Variants in ST7 observed in about 807,000 individuals in gnomAD.
ST7 encodes the protein suppressor of tumorigenicity 7 protein.
ST7 carries 28 observed loss-of-function variants against 78.7 expected under a neutral mutation model. The ratio of observed to expected loss-of-function variants is 0.36; its 90% CI spans 0.26 to 0.49. The LOEUF is 0.49. Ranked by LOEUF, ST7 falls within the 20% of genes least tolerant of loss-of-function variation. The pLI is 0.99. For missense variants in ST7, 418 were observed against 696.0 expected, an observed-to-expected ratio of 0.60 and a Z score of 4.49; for synonymous variants, 247 against 249.6, an observed-to-expected ratio of 0.99 and a Z score of 0.10.
chr7:117,050,214 C>CAAAAAAAA (rs201920808), intron 1 of ST7, among the ~76,000 whole-genome samples: 1 of 111,912 alleles, frequency 8.9e-6, no homozygotes. Flanking sequence ...GACTCCGTCT[C>CAAAAAAAA]AAAAAAAAAA....
intron 12 of ST7, among the ~76,000 whole-genome samples, chr7:117,196,789 C>G (rs1403376331): frequency 2.0e-5 from 3 of 152,000 alleles, no homozygotes; most frequent in African/African-American, 7.2e-5. Context: ...AGAAGCATTT[C>G]AGTTTGACGT....
At chr7:117,083,102 C>T (rs1799905502) in intron 1 of ST7, among the ~76,000 whole-genome samples, 1 of 151,978 alleles carries the variant, frequency 6.6e-6, no homozygotes, top group Non-Finnish European at 1.5e-5. Context: ...TCTTGTTGCT[C>T]AGGCTGGAGT....
intron 1 of ST7, chr7:117,023,050 C>T (rs556697678): frequency 1.3e-5 from 2 of 152,220 alleles, no homozygotes; most frequent in African/African-American, 4.8e-5. Context: ...GTAAGTGGCT[C>T]TTTTAAACTT....
chr7:116,960,492 A>G (rs144792023), intron 1 of ST7, among the ~76,000 whole-genome samples: 2 of 152,262 alleles, frequency 1.3e-5, no homozygotes, highest in Non-Finnish European at 2.9e-5. Context: ...GACACATAAA[A>G]TTGTGCTGAA....
chr7:117,118,737 G>A (rs1803117604), intron 2 of ST7, among the ~76,000 whole-genome samples: 2 of 152,176 alleles, frequency 1.3e-5, no homozygotes, highest in Non-Finnish European at 2.9e-5. Flanking sequence ...GGTAGGAAGT[G>A]TTCACTGTAG....
chr7:117,080,135 T>C (rs985819353), intron 1 of ST7, among the ~76,000 whole-genome samples: 1 of 151,474 alleles, frequency 6.6e-6, no homozygotes. Context: ...CGCCCGCCAC[T>C]ACGCCCGGCT....
intron 1 of ST7, among the ~76,000 whole-genome samples, chr7:116,997,873 C>G (rs544570268): frequency 1.3e-5 from 2 of 152,364 alleles, no homozygotes; most frequent in South Asian, 2.1e-4. Flanking sequence ...TCTACAATCC[C>G]TTAGCTAGAC....
chr7:117,138,404 A>G, intron 8 of ST7, 31 bp from the exon 9 acceptor site: 1 of 1,334,628 alleles, frequency 7.5e-7, no homozygotes, highest in Non-Finnish European at 1.0e-6. Context: ...TTTTTTTTTT[A>G]AATGTTGGTG....
chr7:117,067,731 G>A (rs1798716650), intron 1 of ST7, among the ~76,000 whole-genome samples: 1 of 152,136 alleles, frequency 6.6e-6, no homozygotes, highest in Non-Finnish European at 1.5e-5. Flanking sequence ...CTTGGGAAGA[G>A]GATTTTGAGG....
intron 1 of ST7, among the ~76,000 whole-genome samples, chr7:117,059,245 T>C (rs1259707066): frequency 6.6e-6 from 1 of 152,170 alleles, no homozygotes; most frequent in Non-Finnish European, 1.5e-5. Context: ...AGACACCTCA[T>C]TGACCCTGAT....
At chr7:117,027,468 T>TAAAGTAAAGTAAAGTAAAGTAA (rs1796257053) in intron 1 of ST7, among the ~76,000 whole-genome samples, 1 of 134,920 alleles carries the variant, frequency 7.4e-6, no homozygotes, top group Non-Finnish European at 1.5e-5. Flanking sequence ...AAAGTAAAAG[T>TAAAGTAAAGTAAAGTAAAGTAA]AAAGTAAAGT....
intron 12 of ST7, among the ~76,000 whole-genome samples, chr7:117,203,779 G>C (rs912218227): frequency 6.6e-6 from 1 of 151,952 alleles, no homozygotes; most frequent in East Asian, 1.9e-4. Flanking sequence ...CATCAAGGTG[G>C]GGACCTGGCC....
intron 12 of ST7, among the ~76,000 whole-genome samples, chr7:117,200,132 A>G (rs922093206): frequency 2.6e-5 from 4 of 152,176 alleles, no homozygotes; most frequent in Non-Finnish European, 5.9e-5. Context: ...ATTTACTTGT[A>G]CAAAAACAAA....
chr7:117,143,736 T>C (rs1805520362), intron 9 of ST7, among the ~76,000 whole-genome samples: 1 of 152,182 alleles, frequency 6.6e-6, no homozygotes, highest in Non-Finnish European at 1.5e-5. Flanking sequence ...ACAGGGTAGA[T>C]GTCAGGATTA....
intron 1 of ST7, among the ~76,000 whole-genome samples, chr7:117,027,494 AAAGT>A (rs201547744): frequency 6.6e-6 from 1 of 151,618 alleles, no homozygotes; most frequent in Non-Finnish European, 1.5e-5. Context: ...AAAGTAAAGT[AAAGT>A]AAGTAAAGTA....
chr7:117,193,261 A>G (rs1256311390), intron 12 of ST7, among the ~76,000 whole-genome samples: 1 of 152,140 alleles, frequency 6.6e-6, no homozygotes, highest in African/African-American at 2.4e-5. Context: ...GACTCTTAGC[A>G]TAAGATGATC....
At chr7:117,040,388 A>G (rs79027463) in intron 1 of ST7, among the ~76,000 whole-genome samples, 12,616 of 152,138 alleles carry the variant, frequency 0.083, 565 homozygotes, top group East Asian at 0.13. Context: ...AAAAAGAGTT[A>G]GAAACATTCA....
At chr7:117,042,987 A>G (rs191363916) in intron 1 of ST7, among the ~76,000 whole-genome samples, 15 of 152,180 alleles carry the variant, frequency 9.9e-5, no homozygotes, top group African/African-American at 3.6e-4. Flanking sequence ...TTTTTACTTG[A>G]AGTTTTTAAT....
At chr7:117,142,481 GA>G (rs60946816) in intron 9 of ST7, among the ~76,000 whole-genome samples, 18,237 of 147,928 alleles carry the variant, frequency 0.12, 2,013 homozygotes, top group African/African-American at 0.29. Flanking sequence ...CCCCAGTTGT[GA>G]AAAAAAAAAG....
Sources: allele counts gnomAD v4.1 joint callset (sites outside exome capture counted in the v4.1 genomes callset), GRCh38; gene constraint gnomAD v4.1.1; transcripts MANE v1.5; gene names NCBI Gene and HGNC (gene_info 2026-07-23, HGNC 2026-07-21).